The following OAS3 variants were observed in gnomAD, a reference collection of about 807,000 sequenced individuals.
OAS3 encodes 2'-5'-oligoadenylate synthase 3.
A neutral mutation model predicts 113.0 loss-of-function variants in OAS3; 107 were observed. The ratio of observed to expected loss-of-function variants is 0.95; its 90% confidence interval spans 0.81 to 1.11. The LOEUF is 1.11. Ranked by LOEUF, OAS3 falls within the 50% of genes most tolerant of loss-of-function variation. The pLI, the probability that OAS3 is intolerant of heterozygous loss-of-function variation, is 0.00. For missense variants in OAS3, 1,258 were observed against 1,389.1 expected (o/e 0.91, Z 1.50); for synonymous variants, 552 against 573.6 (o/e 0.96, Z 0.54).
At chr12:112,942,662 G>T (rs1027375957) in intron 2 of OAS3, among the ~76,000 whole-genome samples, 2 of 151,136 alleles carry the variant, frequency 1.3e-5, no homozygotes, top group Non-Finnish European at 2.9e-5. Flanking sequence ...AGGCTGCAGT[G>T]AATTGTGATT....
chr12:112,966,367 T>C (rs1368002589), intron 12 of OAS3, among the ~76,000 whole-genome samples: 2 of 152,208 alleles, frequency 1.3e-5, no homozygotes, highest in Non-Finnish European at 2.9e-5. Flanking sequence ...CACTGATGTT[T>C]CTTGCACATT....
chr12:112,970,560 T>C lies in OAS3; in HGVS notation c.*587T>C, dbSNP rs960293520. The stretch of plus-strand genomic sequence containing the variant: ...TTAGTGATGTCTGCCATGGATGCAG[T>C]AGAGGAAAGTGGTGGTACAAGTGCC... On this transcript the variant is annotated 3_prime_UTR_variant, in exon 16 of 16. Coordinates refer to ENST00000228928, the MANE Select transcript of OAS3 (RefSeq NM_006187.4). 2 of 160,446 alleles carry C rather than the reference T, an allele frequency of 1.2e-5. No homozygotes were observed. The highest frequency in any genetic ancestry group is 2.4e-5 in the African/African-American group (1 of 41,476). The allele number at this position is 160,446 out of a possible 1,614,324, so 9.9% of individuals were successfully genotyped here. A position where few individuals can be genotyped will look rare whatever the true frequency, so the allele number is the denominator to read the frequency against.
chr12:112,938,739 C>CAAAGGGA (rs2136340951), intron 1 of OAS3, 32 bp downstream of exon 1: 2 of 1,335,728 alleles, frequency 1.5e-6, no homozygotes, highest in Non-Finnish European at 9.5e-7. Context: ...TTTATGTGTC[C>CAAAGGGA]AAAGGGGAGT....
In OAS3 at chr12:112,967,973, C is replaced by T; in HGVS notation, c.2903C>T (p.Pro968Leu). 2.5e-6 allele frequency: 4 copies of T among 1,613,990 alleles called. No homozygotes were observed. The South Asian group carries it at 4.4e-5, about 18-fold the overall frequency. ...TCCAAGGGGAGAGGCTCCCTACCCC[C>T]ACAGCACGGGCTGGAACTCCTGACT... is the stretch of plus-strand genomic sequence containing the variant. ...KISKGRGSLP[P>L]QHGLELLTVY... The change falls in exon 14 of 16, where the codon CCA (proline) becomes CTA (leucine). Residue 968 changes from proline (P) to leucine (L), a missense_variant. Pro to Leu is a moderately conservative substitution (Grantham distance 98). Coordinates refer to ENST00000228928, the MANE Select transcript of OAS3 (RefSeq NM_006187.4).
At chr12:112,953,422 C>A (rs1337813015) in intron 7 of OAS3, among the ~76,000 whole-genome samples, 2 of 152,138 alleles carry the variant, frequency 1.3e-5, no homozygotes, top group African/African-American at 4.8e-5. Context: ...AGTCTTTGCT[C>A]TTGTGAATAG....
At chr12:112,968,390 A>C (rs1319601848) in intron 14 of OAS3, among the ~76,000 whole-genome samples, 1 of 152,220 alleles carries the variant, frequency 6.6e-6, no homozygotes, top group African/African-American at 2.4e-5. Flanking sequence ...GTTAAATTTG[A>C]ATTTCAGATA....
Position 112,944,484 on chromosome 12 carries a change from G to A in OAS3, c.469G>A (p.Gly157Ser), listed in dbSNP as rs375797352. The A allele has an allele frequency of 2.2e-5, 35 of 1,613,836 alleles. No homozygotes were observed. Among genetic ancestry groups the A allele is most frequent in the African/African-American group, 9.3e-5 (7 of 74,918 alleles). ...GCGCTTCACACCAACAGGTCAGGCC[G>A]GCTCCGGCGTCAAACCCAAGCCACA... ...VPAFNVLGQA[G>S]SGVKPKPQVY... is the part of the protein sequence containing the mutation. The change falls in exon 3 of 16, where the codon GGC (glycine) becomes AGC (serine). Residue 157 changes from glycine (G) to serine (S), a missense_variant. Coordinates refer to ENST00000228928, the MANE Select transcript of OAS3 (RefSeq NM_006187.4).
intron 8 of OAS3, 142 bp downstream of exon 8, chr12:112,961,388 C>T: frequency 2.7e-6 from 2 of 732,348 alleles, no homozygotes; most frequent in Non-Finnish European, 4.4e-6. Flanking sequence ...CTCCTCCATC[C>T]TCCATTTCCT....
At chr12:112,968,226 C>G (rs1305116608) in intron 14 of OAS3, 52 bp downstream of exon 14, 5 of 1,561,622 alleles carry the variant, frequency 3.2e-6, no homozygotes, top group Admixed American at 3.7e-5. Context: ...ATCACTCACT[C>G]TCCCCACTTT....
intron 12 of OAS3, 118 bp downstream of exon 12, chr12:112,966,147 T>C (rs955251741): frequency 7.6e-6 from 8 of 1,055,094 alleles, no homozygotes; most frequent in East Asian, 5.1e-5. Context: ...ATTGCAGGCA[T>C]TGTAGTTGTG....
At position 112,965,735 on chromosome 12, in the gene OAS3, C is replaced by T. The variant is rs2043926606; in HGVS notation, c.2404-9C>T. Reference sequence around the variant, plus strand: ...TCAAGGGTTGAGCCACCTGCCATGTCCTCTCCAGGGTGGCTCTTCAGCCAA... The same window carrying T: ...TCAAGGGTTGAGCCACCTGCCATGTTCTCTCCAGGGTGGCTCTTCAGCCAA... On this transcript the variant is annotated splice_polypyrimidine_tract_variant and intron_variant, in intron 11 of 15. Coordinates refer to ENST00000228928, the MANE Select transcript of OAS3 (RefSeq NM_006187.4). 2 of 1,603,480 alleles carry T rather than the reference C, an allele frequency of 1.2e-6. No individual in the cohort carries two copies. The highest frequency in any genetic ancestry group is 1.7e-6 in the Non-Finnish European group (2 of 1,176,694).
In OAS3 at chr12:112,941,627, A is replaced by G. The variant is rs1161315031; in HGVS notation, c.235A>G (p.Ile79Val). The G allele has an allele frequency of 6.2e-7, 1 of 1,613,858 alleles. No homozygotes were observed. Among genetic ancestry groups the G allele is most frequent in the East Asian group, 2.2e-5 (1 of 44,894 alleles). Residue 79 changes from isoleucine (I) to valine (V), a missense_variant, in exon 2 of 16, where the codon ATC becomes GTC. Transcript: ENST00000228928. ...LKGGCDSELV[I>V]FLDCFKSYVD... ...GGGTGGCTGTGATTCTGAACTTGTC[A>G]TCTTCCTCGACTGCTTCAAGAGCTA...
chr12:112,956,790 G>A (rs1381314020), intron 7 of OAS3, among the ~76,000 whole-genome samples: 1 of 152,232 alleles, frequency 6.6e-6, no homozygotes, highest in Non-Finnish European at 1.5e-5. Context: ...GTGTAATGTG[G>A]TGCTGAGAAG....
chr12:112,946,931 C>T lies in OAS3; in HGVS notation c.825C>T (p.Phe275=), dbSNP rs772263085. Residue 275 remains phenylalanine, a synonymous_variant, in exon 4 of 16, where the codon TTC becomes TTT. Coordinates refer to ENST00000228928, the MANE Select transcript of OAS3 (RefSeq NM_006187.4). ...LCVFWTVNYG[F]EDPAVGQFLQ... is the part of the protein sequence containing the mutation. ...TTTTCTGGACTGTCAACTATGGCTT[C>T]GAGGACCCTGCAGTTGGGCAGTTCT... 6.8e-6 allele frequency: 11 copies of T among 1,614,018 alleles called. No individual in the cohort carries two copies. The highest frequency in any genetic ancestry group is 1.6e-4 in the Middle Eastern group (1 of 6,062).
At position 112,969,702 on chromosome 12, in the gene OAS3, G is replaced by T. The variant is rs1311652987; in HGVS notation, c.3199G>T (p.Ala1067Ser). Residue 1067 changes from alanine to serine, a missense_variant, in exon 15 of 16, where the codon GCC becomes TCC. Coordinates refer to ENST00000228928, the MANE Select transcript of OAS3 (RefSeq NM_006187.4). ...CAAGGAAGCTGCAGCCTGCACATCT[G>T]CCCTGTGCTGCATGGGACGGAATGG... ...LAKEAAACTS[A>S]LCCMGRNGIP... 2 of 1,612,800 alleles carry T rather than the reference G, an allele frequency of 1.2e-6. No individual in the cohort carries two copies. Among genetic ancestry groups the T allele is most frequent in the African/African-American group, 1.3e-5 (1 of 74,912 alleles).
At chr12:112,945,176 G>A (rs1487194344) in intron 3 of OAS3, 4 of 194,962 alleles carry the variant, frequency 2.1e-5, no homozygotes, top group African/African-American at 4.7e-5. Context: ...GCCGGGCGTG[G>A]TGGTACACAC....
In OAS3 at chr12:112,958,756, C is replaced by T. The variant is rs1042966630; in HGVS notation, c.1658-2315C>T. On this transcript the variant is annotated intron_variant, in intron 7 of 15. Transcript: ENST00000228928. ...CATATGAGGTGTCAGTCGGCCCCTA[C>T]GGGGAAGTGCCTCCCAGTTAGGCTA... 3.9e-5 allele frequency among the ~76,000 whole-genome samples: 6 copies of T among 152,244 alleles called. No individual in the cohort carries two copies. The South Asian group carries it at 8.3e-4, about 21-fold the overall frequency.
chr12:112,962,091 C>A lies in OAS3; in HGVS notation c.1834-561C>A, dbSNP rs4767043. Among the ~76,000 whole-genome samples, 594 of 152,178 alleles carry A rather than the reference C, an allele frequency of 3.9e-3. 7 individuals are homozygous for A. The highest frequency in any genetic ancestry group is 0.014 in the African/African-American group (582 of 41,510). On this transcript the variant is annotated intron_variant, in intron 8 of 15. Coordinates refer to ENST00000228928, the MANE Select transcript of OAS3 (RefSeq NM_006187.4). Reference sequence around the variant, plus strand: ...GAATTACAGGCACAAGCCACCATGCCCCAGCCTTGTTGCCTCTTTTGAGTT... The same window carrying A: ...GAATTACAGGCACAAGCCACCATGCACCAGCCTTGTTGCCTCTTTTGAGTT...
chr12:112,955,030 C>A (rs1266285708), intron 7 of OAS3, among the ~76,000 whole-genome samples: 1 of 152,138 alleles, frequency 6.6e-6, no homozygotes. Context: ...TTGAAGAAGT[C>A]CTTCACATCC....
Sources: allele counts gnomAD v4.1 joint callset (sites outside exome capture counted in the v4.1 genomes callset), GRCh38; gene constraint gnomAD v4.1.1; transcripts MANE v1.5; gene names NCBI Gene and HGNC (gene_info 2026-07-23, HGNC 2026-07-21).